Variants in DMD observed in about 807,000 individuals in gnomAD.
DMD encodes the protein dystrophin, also known as mutant dystrophin.
Under a neutral mutation model 330.1 loss-of-function variants are expected in DMD, and 63 were observed. The observed-to-expected ratio is 0.19, with a 90% CI of 0.16 to 0.24. DMD has a LOEUF of 0.24. DMD is among the 10% of genes least tolerant of loss of function. The probability of loss-of-function intolerance (pLI) is 1.00; values close to 1 mark genes in which losing one functional copy is unlikely to be tolerated. For synonymous variants in DMD, 1,223 were observed against 959.8 expected, an observed-to-expected ratio of 1.27 and a Z score of -5.07; for missense variants, 3,344 against 2,684.1, an observed-to-expected ratio of 1.25 and a Z score of -5.43.
At chrX:31,179,134 G>T (rs993127387) in intron 69 of DMD, among the ~76,000 whole-genome samples, 3 of 112,558 alleles carry the variant, frequency 2.7e-5, no homozygotes, top group Admixed American at 9.4e-5. Flanking sequence ...GGTCAAAAAG[G>T]TGACATTAAA....
intron 44 of DMD, among the ~76,000 whole-genome samples, chrX:32,132,993 C>T (rs867600965): frequency 4.9e-4 from 37 of 75,946 alleles, no homozygotes; most frequent in African/African-American, 2.3e-3. Flanking sequence ...CTTTTCTTTT[C>T]TTTTTTTTTT....
Position 31,177,828 on chromosome X carries a change from A to G in DMD, c.10262+104T>C, listed in dbSNP as rs2040687693. Reference sequence around the variant, plus strand: ...GAAGGGGAATTAATATGTCCATAAAACAAAACAAAACAAAAGAAAACAAAC... The same window carrying G: ...GAAGGGGAATTAATATGTCCATAAAGCAAAACAAAACAAAAGAAAACAAAC... On this transcript the variant is annotated intron_variant, in intron 71 of 78. Coordinates refer to ENST00000357033, the MANE Select transcript of DMD (RefSeq NM_004006.3). 5 of 808,896 alleles carry G rather than the reference A, an allele frequency of 6.2e-6. No individual in the cohort carries two copies. In the Admixed American group the frequency reaches 1.3e-4, roughly 21 times the overall value. The allele number at this position is 808,896 out of a possible 1,213,427, so 66.7% of individuals were successfully genotyped here.
chrX:32,062,896 T>A (rs1032763735), intron 44 of DMD, among the ~76,000 whole-genome samples: 10 of 106,875 alleles, frequency 9.4e-5, no homozygotes, highest in African/African-American at 3.5e-4. Flanking sequence ...CAATTTTGGA[T>A]TAGAAACTGA....
intron 1 of DMD, among the ~76,000 whole-genome samples, chrX:33,190,875 ATAT>A (rs1569557957): frequency 0.02 from 289 of 14,170 alleles, 57 homozygotes; most frequent in African/African-American, 0.04. Context: ...ATATATATAT[ATAT>A]AATATATAAT....
In DMD at chrX:32,739,252, T is replaced by C. The variant is rs947857421; in HGVS notation, c.650-39959A>G. ...CAGTCCAGCTCCAGAACCTATGCTG[T>C]CCTCCCTACTGTTCACATGGCTTCT... On this transcript the variant is annotated intron_variant, in intron 7 of 78. Coordinates refer to ENST00000357033, the MANE Select transcript of DMD (RefSeq NM_004006.3). Among the ~76,000 whole-genome samples the C allele has an allele frequency of 4.5e-5, 5 of 112,009 alleles. No homozygotes were observed. In the Admixed American group the frequency reaches 4.8e-4, roughly 11 times the overall value.
intron 34 of DMD, among the ~76,000 whole-genome samples, chrX:32,376,230 G>C (rs1012669416): frequency 9.0e-6 from 1 of 111,640 alleles, no homozygotes; most frequent in South Asian, 3.7e-4. Flanking sequence ...AGCCGAGATC[G>C]GGCCATTGCA....
intron 60 of DMD, among the ~76,000 whole-genome samples, chrX:31,379,161 C>A (rs1174135966): frequency 9.1e-6 from 1 of 109,929 alleles, no homozygotes; most frequent in Non-Finnish European, 1.9e-5. Context: ...TTTCTACAGA[C>A]CCATCTGACC....
At chrX:31,814,231 C>A (rs1372579717) in intron 50 of DMD, among the ~76,000 whole-genome samples, 6 of 109,829 alleles carry the variant, frequency 5.5e-5, no homozygotes, top group Non-Finnish European at 1.1e-4. Context: ...CCTGTAATCC[C>A]AGCACTTTGG....
chrX:32,847,362 T>C (rs1340621738), intron 3 of DMD, among the ~76,000 whole-genome samples: 1 of 111,901 alleles, frequency 8.9e-6, no homozygotes, highest in African/African-American at 3.2e-5. Flanking sequence ...TGGGGAGTAT[T>C]TCTTATTTTA....
At chrX:31,368,123 C>T (rs2059355210) in intron 60 of DMD, among the ~76,000 whole-genome samples, 1 of 111,537 alleles carries the variant, frequency 9.0e-6, no homozygotes, top group African/African-American at 3.3e-5. Context: ...GCTTTCTGTT[C>T]TAGGTTCCCC....
intron 13 of DMD, among the ~76,000 whole-genome samples, chrX:32,588,005 G>T (rs1262409365): frequency 9.0e-6 from 1 of 111,261 alleles, no homozygotes; most frequent in Non-Finnish European, 1.9e-5. Flanking sequence ...AACAGAGCAG[G>T]AAGGGTCTAT....
rs1182726969 is a variant in DMD at position 33,246,686 on chromosome X, GTTTT to G, written c.7+92569_7+92572del. Among the ~76,000 whole-genome samples the G allele has an allele frequency of 1.2e-4, 13 of 110,581 alleles. No homozygotes were observed. The East Asian group carries it at 2.3e-3, about 19-fold the overall frequency. ...TTTGGTTTTTTTTGCTTGTTTGTTT[GTTTT>G]GTTTTGTTTTTTTGAGATGGAATCT... On this transcript the variant is annotated intron_variant, in intron 1 of 17. Coordinates refer to the DMD transcript ENST00000288447.
intron 13 of DMD, among the ~76,000 whole-genome samples, chrX:32,592,358 A>C (rs1569267006): frequency 9.0e-6 from 1 of 110,869 alleles, no homozygotes; most frequent in Non-Finnish European, 1.9e-5. Context: ...GACTCAGACA[A>C]ACTTAGACAT....
At chrX:31,379,397 T>C (rs1332438288) in intron 60 of DMD, among the ~76,000 whole-genome samples, 1 of 111,398 alleles carries the variant, frequency 9.0e-6, no homozygotes, top group Non-Finnish European at 1.9e-5. Context: ...GCGTTTAGGC[T>C]CTTTTTCATC....
chrX:32,370,593 T>C (rs1186334932), intron 34 of DMD, among the ~76,000 whole-genome samples: 1 of 110,807 alleles, frequency 9.0e-6, no homozygotes, highest in Non-Finnish European at 1.9e-5. Context: ...AGATGTTCTA[T>C]TTTCTAAGTA....
At chrX:33,010,170 A>G (rs1414123519) in intron 2 of DMD, among the ~76,000 whole-genome samples, 1 of 105,765 alleles carries the variant, frequency 9.5e-6, no homozygotes, top group African/African-American at 3.5e-5. Context: ...GTATATGTAT[A>G]TATGCATATA....
chrX:31,979,310 C>G lies in DMD; in HGVS notation c.6439-10796G>C, dbSNP rs887123628. The stretch of plus-strand genomic sequence containing the variant: ...GCCTCAAACAATCCTCCCACCTTAG[C>G]CTTCCAAAGTGCTAGGATCATAGGC... On this transcript the variant is annotated intron_variant, in intron 44 of 78. Coordinates refer to ENST00000357033, the MANE Select transcript of DMD (RefSeq NM_004006.3). Among the ~76,000 whole-genome samples the G allele has an allele frequency of 2.2e-4, 25 of 112,000 alleles. 1 individual carries two copies. Among genetic ancestry groups the G allele is most frequent in the African/African-American group, 7.8e-4 (24 of 30,903 alleles).
At chrX:33,270,513 A>G (rs2053135760) in intron 1 of DMD, among the ~76,000 whole-genome samples, 2 of 106,702 alleles carry the variant, frequency 1.9e-5, no homozygotes, top group South Asian at 7.9e-4. Context: ...ATACCTTGGG[A>G]CATTTACAAT....
chrX:31,143,513 C>G (rs928816053), intron 76 of DMD, among the ~76,000 whole-genome samples: 2 of 111,899 alleles, frequency 1.8e-5, no homozygotes, highest in Non-Finnish European at 3.8e-5. Flanking sequence ...CAGATTAATA[C>G]ACAGTTCAAG....
Sources: allele counts gnomAD v4.1 joint callset (sites outside exome capture counted in the v4.1 genomes callset), GRCh38; gene constraint gnomAD v4.1.1; transcripts MANE v1.5; gene names NCBI Gene and HGNC (gene_info 2026-07-23, HGNC 2026-07-21).